The following CCDC141 variants were observed in gnomAD, a reference collection of about 807,000 sequenced individuals.
The protein encoded by CCDC141 is coiled-coil domain containing 141.
CCDC141 carries 168 observed loss-of-function variants against 181.0 expected under a neutral mutation model. That is an observed-to-expected ratio of 0.93 (90% CI 0.82 to 1.05). The LOEUF is 1.05. CCDC141 is among the 50% of genes least tolerant of loss of function. The pLI is 0.00. For missense variants in CCDC141, 1,902 were observed against 1,788.5 expected (o/e 1.06, Z -1.14); for synonymous variants, 666 against 642.3 (o/e 1.04, Z -0.56).
chr2:178,818,623 G>A, the CCDC141 span, among the ~76,000 whole-genome samples: 2 of 152,052 alleles, frequency 1.3e-5, no homozygotes, highest in Admixed American at 6.6e-5. Flanking sequence ...CCTTTTTATG[G>A]CTGCATAGCA....
intron 8 of CCDC141, among the ~76,000 whole-genome samples, chr2:178,892,999 G>C (rs970803129): frequency 6.6e-5 from 10 of 152,146 alleles, no homozygotes; most frequent in African/African-American, 2.4e-4. Flanking sequence ...TGGAAATATT[G>C]ATTGACCTTT....
intron 2 of CCDC141, among the ~76,000 whole-genome samples, chr2:179,043,635 T>C (rs1454041705): frequency 2.6e-5 from 4 of 152,156 alleles, no homozygotes; most frequent in Non-Finnish European, 5.9e-5. Flanking sequence ...TCCCTTCATG[T>C]TAAAAACTCG....
rs536382810 is a variant in CCDC141, at chr2:178,980,371, A to G, written c.226-1696T>C. 4.6e-5 allele frequency among the ~76,000 whole-genome samples: 7 copies of G among 152,112 alleles called. No homozygotes were observed. The South Asian group carries it at 1.5e-3, about 32-fold the overall frequency. ...AGGCTGAGGCAGGAGAATGGCATGA[A>G]CCCAGGAGGTGGAGCTTGCAGTGAG... is the stretch of plus-strand genomic sequence containing the variant. On this transcript the variant is annotated intron_variant, in intron 2 of 23. Coordinates refer to ENST00000443758, the MANE Select transcript of CCDC141 (RefSeq NM_173648.4).
intron 22 of CCDC141, among the ~76,000 whole-genome samples, chr2:178,842,022 C>T (rs1392938772): frequency 6.6e-6 from 1 of 152,070 alleles, no homozygotes; most frequent in Non-Finnish European, 1.5e-5. Flanking sequence ...TTTACATATA[C>T]TAATTATTTG....
At chr2:178,838,966 G>A (rs374457057) in intron 22 of CCDC141, among the ~76,000 whole-genome samples, 4 of 152,224 alleles carry the variant, frequency 2.6e-5, no homozygotes, top group East Asian at 3.9e-4. Context: ...TTTCTGTGCC[G>A]TTCCTCAGCA....
intron 6 of CCDC141, among the ~76,000 whole-genome samples, chr2:178,939,061 G>A (rs532992161): frequency 3.0e-4 from 45 of 152,174 alleles, no homozygotes; most frequent in African/African-American, 1.1e-3. Flanking sequence ...TAATTCAAGT[G>A]AGAAGAGGCT....
chr2:178,920,116 T>C (rs1047044325), intron 6 of CCDC141, among the ~76,000 whole-genome samples: 1 of 152,200 alleles, frequency 6.6e-6, no homozygotes, highest in Non-Finnish European at 1.5e-5. Context: ...ATCTCTAACA[T>C]GACTGTCTTG....
rs111860324 is a variant in CCDC141, at chr2:179,031,082, A to G, written c.225+16202T>C. ...TGTGCTATGAGTATAAAGTGTATAC[A>G]GGACTTTGAAGTTTTAATATAAAAA... On this transcript the variant is annotated intron_variant, in intron 2 of 23. Transcript: ENST00000443758. 8.3e-3 allele frequency among the ~76,000 whole-genome samples: 1,262 copies of G among 152,252 alleles called. 19 individuals carry two copies. The highest frequency in any genetic ancestry group is 0.028 in the African/African-American group (1,164 of 41,568).
intron 17 of CCDC141, among the ~76,000 whole-genome samples, chr2:178,862,388 C>T (rs1206101644): frequency 6.6e-6 from 1 of 152,128 alleles, no homozygotes; most frequent in African/African-American, 2.4e-5. Flanking sequence ...TACAAATTTC[C>T]ATTAACATCA....
intron 6 of CCDC141, among the ~76,000 whole-genome samples, chr2:178,927,961 C>T (rs150534307): frequency 3.0e-4 from 45 of 152,086 alleles, no homozygotes; most frequent in African/African-American, 5.8e-4. Context: ...TAAAAGAGCA[C>T]GAAGGTTTTG....
chr2:178,992,289 ATTT>A (rs1373326749), intron 2 of CCDC141, among the ~76,000 whole-genome samples: 1 of 131,842 alleles, frequency 7.6e-6, no homozygotes, highest in Non-Finnish European at 1.6e-5. Context: ...AAAATATGTT[ATTT>A]TTATTATTGG....
intron 11 of CCDC141, among the ~76,000 whole-genome samples, chr2:178,882,874 G>A (rs1203016214): frequency 1.3e-5 from 2 of 152,044 alleles, no homozygotes; most frequent in Non-Finnish European, 2.9e-5. Context: ...GGAGTTGAGG[G>A]GATGGAGGAT....
At chr2:178,900,662 CTTATAT>C (rs901756442) in intron 8 of CCDC141, among the ~76,000 whole-genome samples, 6 of 152,186 alleles carry the variant, frequency 3.9e-5, no homozygotes, top group Admixed American at 3.9e-4. Flanking sequence ...CAGCTTTCCT[CTTATAT>C]TTAAGTTTTG....
At chr2:178,866,049 CT>C in intron 16 of CCDC141, 133 bp from the exon 17 acceptor site, 1 of 651,508 alleles carries the variant, frequency 1.5e-6, no homozygotes, top group Non-Finnish European at 2.3e-6. Flanking sequence ...TTTATTTTAC[CT>C]TAAACATATT....
chr2:179,015,286 C>CATATATCTCATCTATATCAT (rs376208411), intron 2 of CCDC141, among the ~76,000 whole-genome samples: 79,057 of 119,942 alleles, frequency 0.66, 28,562 homozygotes, highest in East Asian at 0.8. Flanking sequence ...ATCTATCTCT[C>CATATATCTCATCTATATCAT]ATATATCTCA....
In CCDC141 at chr2:178,983,165, C is replaced by A. The variant is rs549207267; in HGVS notation, c.226-4490G>T. On this transcript the variant is annotated intron_variant, in intron 2 of 23. Coordinates refer to ENST00000443758, the MANE Select transcript of CCDC141 (RefSeq NM_173648.4). ...CAAGTGGGTCCCTGACCCCTGACCC[C>A]CGACCAGCCTAACTGGGAGGCACCC... is the stretch of plus-strand genomic sequence containing the variant. Among the ~76,000 whole-genome samples the A allele has an allele frequency of 2.0e-5, 3 of 152,312 alleles. No homozygotes were observed. The East Asian group carries it at 5.8e-4, about 29-fold the overall frequency.
intron 10 of CCDC141, 113 bp from the exon 11 acceptor site, chr2:178,885,205 G>C (rs1686821759): frequency 8.0e-6 from 4 of 501,718 alleles, no homozygotes; most frequent in Non-Finnish European, 9.3e-6. Flanking sequence ...CTTATACCAA[G>C]AATCTCCTCA....
At chr2:178,892,331 T>A (rs1687196505) in intron 8 of CCDC141, among the ~76,000 whole-genome samples, 1 of 152,160 alleles carries the variant, frequency 6.6e-6, no homozygotes, top group African/African-American at 2.4e-5. Flanking sequence ...GTGGCTTAGA[T>A]CCTTTTCTCG....
the CCDC141 span, among the ~76,000 whole-genome samples, chr2:178,822,429 GA>G: frequency 2.9e-4 from 42 of 144,130 alleles, no homozygotes; most frequent in Non-Finnish European, 3.7e-4. Context: ...AATCCCTCCT[GA>G]AAAAAAAAAA....
Sources: gnomAD v4.1 joint callset for allele counts (sites outside exome capture counted in the v4.1 genomes callset) on GRCh38, gnomAD v4.1.1 for gene constraint, MANE v1.5 for transcripts, NCBI Gene and HGNC (gene_info 2026-07-23, HGNC 2026-07-21) for gene names.